Variants in LPAR1 observed in about 807,000 individuals in gnomAD.
The protein encoded by LPAR1 is LPA receptor 1.
In LPAR1, 5 loss-of-function variants were observed where a neutral mutation model predicts 23.8. The observed-to-expected ratio is 0.21, with a 90% CI of 0.11 to 0.44. LPAR1 has a LOEUF of 0.44. Among genes scored for constraint, LPAR1 ranks in the 20% least tolerant of loss-of-function variants. LPAR1 has a pLI of 0.99. For missense variants in LPAR1, 311 were observed against 482.8 expected (o/e 0.64, Z 3.33); for synonymous variants, 160 against 164.7 (o/e 0.97, Z 0.22).
intron 5 of LPAR1, among the ~76,000 whole-genome samples, chr9:110,891,261 A>G (rs958208877): frequency 2.0e-5 from 3 of 152,220 alleles, no homozygotes; most frequent in Non-Finnish European, 4.4e-5. Context: ...AAATATTTGC[A>G]AGATAATCAT....
intron 2 of LPAR1, among the ~76,000 whole-genome samples, chr9:110,980,122 C>T (rs932488992): frequency 2.6e-5 from 4 of 152,110 alleles, no homozygotes; most frequent in African/African-American, 9.6e-5. Context: ...AAATCATGAC[C>T]TAACTATACT....
At chr9:110,947,540 A>G (rs2095423878) in intron 4 of LPAR1, among the ~76,000 whole-genome samples, 1 of 152,170 alleles carries the variant, frequency 6.6e-6, no homozygotes, top group South Asian at 2.1e-4. Flanking sequence ...GTTATAACAA[A>G]TCTGTCAAGC....
chr9:110,964,553 A>C (rs1364385639), intron 4 of LPAR1, among the ~76,000 whole-genome samples: 24 of 152,204 alleles, frequency 1.6e-4, no homozygotes, highest in Admixed American at 1.1e-3. Context: ...CAACTGTGTC[A>C]AAATGTTATT....
chr9:110,925,164 C>A (rs995314145), intron 5 of LPAR1, among the ~76,000 whole-genome samples: 5 of 151,864 alleles, frequency 3.3e-5, no homozygotes, highest in African/African-American at 1.2e-4. Flanking sequence ...CCCAAGGAGA[C>A]AAATAGGCTT....
intron 5 of LPAR1, among the ~76,000 whole-genome samples, chr9:110,925,325 TCCAAGATGCTTGAG>T (rs1448566609): frequency 2.6e-5 from 4 of 151,896 alleles, no homozygotes; most frequent in Admixed American, 1.3e-4. Context: ...GGTCCGTGTA[TCCAAGATGCTTGAG>T]CAGATGCTGA....
intron 5 of LPAR1, among the ~76,000 whole-genome samples, chr9:110,908,910 A>G (rs564881616): frequency 4.6e-4 from 70 of 152,334 alleles, no homozygotes; most frequent in African/African-American, 1.6e-3. Context: ...GTTCTTTTGG[A>G]TAAACATAGA....
Position 110,941,118 on chromosome 9 carries a change from G to GA in LPAR1, c.793+302dup, listed in dbSNP as rs147083087. Among the ~76,000 whole-genome samples, 1,063 of 152,236 alleles carry GA rather than the reference G, an allele frequency of 7.0e-3. 14 individuals carry two copies. Among genetic ancestry groups the GA allele is most frequent in the African/African-American group, 0.024 (1,010 of 41,538 alleles). ...TCACAATTTAGGCTGTAAGAAAAAT[G>GA]AATGAGTTTGACTGGTAATTCTGGT... is the stretch of plus-strand genomic sequence containing the variant. On this transcript the variant is annotated intron_variant, in intron 5 of 5. Transcript: ENST00000683809. The surrounding 1 kb of genome is among the most constrained non-coding windows in gnomAD (Gnocchi z 6.1).
chr9:110,969,846 A>G (rs10980665), intron 4 of LPAR1, among the ~76,000 whole-genome samples: 17,866 of 152,226 alleles, frequency 0.12, 1,371 homozygotes, highest in Admixed American at 0.21. Context: ...CAATGCTTCA[A>G]TGAATATCTT....
At chr9:111,007,815 G>A (rs2097251492) in intron 2 of LPAR1, among the ~76,000 whole-genome samples, 1 of 152,092 alleles carries the variant, frequency 6.6e-6, no homozygotes, top group Non-Finnish European at 1.5e-5. Context: ...CATACCTATT[G>A]AAGACAATCA....
intron 1 of LPAR1, among the ~76,000 whole-genome samples, chr9:111,036,548 G>A (rs571468152): frequency 6.6e-6 from 1 of 151,840 alleles, no homozygotes; most frequent in South Asian, 2.1e-4. Context: ...CCGGTTTCTC[G>A]CTATTTGGGA....
chr9:110,877,788 C>T (rs2132309989), intron 5 of LPAR1, among the ~76,000 whole-genome samples: 1 of 152,270 alleles, frequency 6.6e-6, no homozygotes, highest in Admixed American at 6.5e-5. Flanking sequence ...ATCTCAATAG[C>T]TAGATTTTAA....
chr9:111,017,875 T>C (rs113572463), intron 2 of LPAR1, among the ~76,000 whole-genome samples: 1,623 of 152,066 alleles, frequency 0.011, 25 homozygotes, highest in African/African-American at 0.034. Flanking sequence ...AAAAATCAAC[T>C]GGGCATGGTG....
intron 2 of LPAR1, among the ~76,000 whole-genome samples, chr9:110,991,224 C>T (rs1441188045): frequency 6.6e-6 from 1 of 152,160 alleles, no homozygotes; most frequent in Non-Finnish European, 1.5e-5. Context: ...TGTAAGAAGA[C>T]ATATTTGCTC....
chr9:111,027,329 A>AAAATAAAT (rs537422907), intron 2 of LPAR1, among the ~76,000 whole-genome samples: 5 of 151,940 alleles, frequency 3.3e-5, no homozygotes, highest in African/African-American at 9.7e-5. Flanking sequence ...CTCTACCCAA[A>AAAATAAAT]AAATAAATAA....
chr9:111,018,621 C>A (rs2097501584), intron 2 of LPAR1, among the ~76,000 whole-genome samples: 1 of 152,144 alleles, frequency 6.6e-6, no homozygotes, highest in African/African-American at 2.4e-5. Flanking sequence ...CAATGGCTAT[C>A]TCTAGGTGGG....
chr9:111,024,059 C>T (rs73657231), intron 2 of LPAR1, among the ~76,000 whole-genome samples: 1,670 of 152,140 alleles, frequency 0.011, 32 homozygotes, highest in African/African-American at 0.038. Flanking sequence ...GCATTATTTC[C>T]ACTAACTACA....
chr9:111,017,381 C>A (rs746111593), intron 2 of LPAR1, among the ~76,000 whole-genome samples: 1 of 152,174 alleles, frequency 6.6e-6, no homozygotes, highest in Non-Finnish European at 1.5e-5. Flanking sequence ...AGGTGGGCCT[C>A]CATCACTAAT....
intron 5 of LPAR1, among the ~76,000 whole-genome samples, chr9:110,907,047 T>G (rs1330511757): frequency 6.6e-6 from 1 of 152,232 alleles, no homozygotes. Context: ...GCAGCTAATT[T>G]CAAAAGTTGA....
chr9:110,988,894 A>G (rs1018189880), intron 2 of LPAR1, among the ~76,000 whole-genome samples: 2 of 152,206 alleles, frequency 1.3e-5, no homozygotes, highest in Non-Finnish European at 2.9e-5. Context: ...ATGTCTATCA[A>G]CTGTTGAAAG....
Sources: gnomAD v4.1 joint callset for allele counts (sites outside exome capture counted in the v4.1 genomes callset) on GRCh38, gnomAD v4.1.1 for gene constraint, Gnocchi (gnomAD v3.1) non-coding constraint, MANE v1.5 for transcripts, NCBI Gene and HGNC (gene_info 2026-07-23, HGNC 2026-07-21) for gene names.